GTF2E1: variants seen among roughly 807,000 people sequenced by gnomAD.
GTF2E1 encodes TFIIE alpha subunit.
GTF2E1 carries 14 observed loss-of-function variants against 34.9 expected under a neutral mutation model. The ratio of observed to expected loss-of-function variants is 0.40; its 90% CI spans 0.27 to 0.63. GTF2E1 has a LOEUF of 0.63. Among genes scored for constraint, GTF2E1 ranks in the 20% least tolerant of loss-of-function variants. GTF2E1 has a pLI of 0.39. For missense variants in GTF2E1, 469 were observed against 557.7 expected (o/e 0.84, Z 1.60); for synonymous variants, 188 against 192.9 (o/e 0.97, Z 0.21).
chr3:120,763,596 T>G (rs1293005402), intron 2 of GTF2E1, among the ~76,000 whole-genome samples: 1 of 152,236 alleles, frequency 6.6e-6, no homozygotes, highest in Non-Finnish European at 1.5e-5. Context: ...CTACTTAGTT[T>G]TAACATGGAA....
At chr3:120,744,243 C>T (rs184802960) in intron 1 of GTF2E1, among the ~76,000 whole-genome samples, 1 of 152,180 alleles carries the variant, frequency 6.6e-6, no homozygotes, top group Admixed American at 6.5e-5. Flanking sequence ...TGATACAATG[C>T]GTGGGGGGCT....
chr3:120,766,242 C>G (rs1709306556), intron 2 of GTF2E1, among the ~76,000 whole-genome samples: 1 of 152,146 alleles, frequency 6.6e-6, no homozygotes, highest in South Asian at 2.1e-4. Context: ...AGTATAAATT[C>G]CACTGGGGAT....
chr3:120,777,106 A>G (rs900127729), intron 4 of GTF2E1, among the ~76,000 whole-genome samples: 2 of 152,218 alleles, frequency 1.3e-5, no homozygotes, highest in African/African-American at 2.4e-5. Context: ...AATAGATACA[A>G]AGAGACCACA....
intron 3 of GTF2E1, among the ~76,000 whole-genome samples, chr3:120,776,181 A>G (rs1709397194): frequency 6.6e-6 from 1 of 152,196 alleles, no homozygotes; most frequent in Admixed American, 6.5e-5. Context: ...AGTCATTTAT[A>G]TACATCAGAG....
In GTF2E1 at chr3:120,777,442, A is replaced by AT. The variant is rs562635298; in HGVS notation, c.892+779dup. 3.9e-3 allele frequency among the ~76,000 whole-genome samples: 601 copies of AT among 152,284 alleles called. 5 individuals carry two copies. The highest frequency in any genetic ancestry group is 6.3e-3 in the Non-Finnish European group (429 of 68,022). On this transcript the variant is annotated intron_variant, in intron 4 of 4. Coordinates refer to ENST00000283875, the MANE Select transcript of GTF2E1 (RefSeq NM_005513.3). ...AATGTGCCGCTACTCCCAAGTTAAT[A>AT]TATCATTACTAACATATCACGTGAG...
Position 120,781,328 on chromosome 3 carries a change from A to T in GTF2E1, c.1178A>T (p.Asp393Val), listed in dbSNP as rs981950302. ...GACGAGTTTGAAGAAGTAGCAGATG[A>T]CCCCATTGTCATGGTGGCTGGCCGT... The part of the protein sequence containing the change: ...EDDEFEEVAD[D>V]PIVMVAGRPF... Residue 393 changes from aspartate to valine, a missense_variant, in exon 5 of 5, where the codon GAC (aspartate) becomes GTC (valine). Asp to Val is a radical substitution (Grantham distance 152, BLOSUM62 -3). Transcript: ENST00000283875. 1.1e-5 allele frequency: 18 copies of T among 1,613,784 alleles called. No individual in the cohort carries two copies. The highest frequency in any genetic ancestry group is 1.5e-5 in the Non-Finnish European group (18 of 1,179,934).
intron 1 of GTF2E1, chr3:120,749,700 A>T (rs1461830161): frequency 6.6e-6 from 1 of 152,116 alleles, no homozygotes; most frequent in Non-Finnish European, 1.5e-5. Flanking sequence ...TTCATCAAGG[A>T]TATTGGTCTA....
At chr3:120,748,641 T>C (rs1357081755) in intron 1 of GTF2E1, among the ~76,000 whole-genome samples, 1 of 152,202 alleles carries the variant, frequency 6.6e-6, no homozygotes, top group African/African-American at 2.4e-5. Flanking sequence ...CCATGCTGTT[T>C]TGGTTACTGT....
At chr3:120,748,608 A>G (rs1223297597) in intron 1 of GTF2E1, among the ~76,000 whole-genome samples, 1 of 152,126 alleles carries the variant, frequency 6.6e-6, no homozygotes, top group Non-Finnish European at 1.5e-5. Flanking sequence ...CCATTGGTCT[A>G]TATCTCTGTT....
intron 1 of GTF2E1, among the ~76,000 whole-genome samples, chr3:120,744,475 C>T (rs1260751751): frequency 1.3e-5 from 2 of 152,354 alleles, no homozygotes; most frequent in East Asian, 1.9e-4. Context: ...GGTATTTCCT[C>T]AAAGACACTT....
intron 2 of GTF2E1, among the ~76,000 whole-genome samples, chr3:120,756,469 A>T (rs1709210599): frequency 7.0e-6 from 1 of 141,968 alleles, no homozygotes; most frequent in Non-Finnish European, 1.5e-5. Context: ...GGGGGGAGTA[A>T]GGGGGGGAAA....
At chr3:120,779,940 T>TCAGAATG (rs918600269) in intron 4 of GTF2E1, among the ~76,000 whole-genome samples, 1 of 152,222 alleles carries the variant, frequency 6.6e-6, no homozygotes, top group African/African-American at 2.4e-5. Flanking sequence ...GGTAGTAGTA[T>TCAGAATG]CAGAATGCAG....
chr3:120,765,593 CAGAA>C (rs1163575234), intron 2 of GTF2E1, among the ~76,000 whole-genome samples: 3 of 152,126 alleles, frequency 2.0e-5, no homozygotes, highest in African/African-American at 7.2e-5. Flanking sequence ...TCTTTTGAGA[CAGAA>C]AGATTTGTAT....
intron 1 of GTF2E1, 150 bp downstream of exon 1, chr3:120,742,944 C>A: frequency 5.0e-6 from 1 of 200,258 alleles, no homozygotes; most frequent in South Asian, 6.8e-5. Context: ...GAACCATTGA[C>A]CCCGGAGCGG....
chr3:120,775,461 C>T (rs1301461248), intron 3 of GTF2E1, among the ~76,000 whole-genome samples: 2 of 151,994 alleles, frequency 1.3e-5, no homozygotes, highest in East Asian at 3.9e-4. Flanking sequence ...GAGAAGCATA[C>T]GTAGAAGTTG....
At chr3:120,743,045 G>C (rs1236647685) in intron 1 of GTF2E1, 1 of 160,458 alleles carries the variant, frequency 6.2e-6, no homozygotes, top group Non-Finnish European at 1.4e-5. Context: ...TGGGGTCTCG[G>C]AGTCTCGCAT....
chr3:120,766,980 C>A (rs903080066), intron 2 of GTF2E1, among the ~76,000 whole-genome samples: 11 of 152,078 alleles, frequency 7.2e-5, no homozygotes, highest in Admixed American at 1.3e-4. Flanking sequence ...GGTCTTAAGT[C>A]ATTTTCTGTA....
chr3:120,750,796 G>A lies in GTF2E1; in HGVS notation c.244G>A (p.Ala82Thr), dbSNP rs544883405. 6.2e-7 allele frequency: 1 copy of A among 1,613,992 alleles called. No homozygotes were observed. Among genetic ancestry groups the A allele is most frequent in the South Asian group, 1.1e-5 (1 of 91,076 alleles). ...IKCRMRVETA[A>T]DGKTTRHNYY... ...ATGCAGAATGAGGGTAGAGACTGCTGCAGACGGGAAAACCACTCGCCATAA... is the reference window on the plus strand; with the variant it reads ...ATGCAGAATGAGGGTAGAGACTGCTACAGACGGGAAAACCACTCGCCATAA... The change falls in exon 2 of 5, where the codon GCA becomes ACA. Residue 82 changes from alanine (A) to threonine (T), a missense_variant. Physicochemically the swap from Ala to Thr is moderately conservative, Grantham distance 58. Transcript: ENST00000283875.
At position 120,759,226 on chromosome 3, in the gene GTF2E1, A is replaced by G. The variant is rs148445689; in HGVS notation, c.448+8226A>G. Among the ~76,000 whole-genome samples the G allele has an allele frequency of 9.2e-3, 1,407 of 152,316 alleles. 22 individuals are homozygous for G. The highest frequency in any genetic ancestry group is 0.032 in the African/African-American group (1,342 of 41,568). On this transcript the variant is annotated intron_variant, in intron 2 of 4. Transcript: ENST00000283875. ...TGCTGCATATGCATATGTTGGCTGC[A>G]TAAATGTCTTCTTTTGAGAAGTGTC...
Sources: allele counts gnomAD v4.1 joint callset (sites outside exome capture counted in the v4.1 genomes callset), GRCh38; gene constraint gnomAD v4.1.1; transcripts MANE v1.5; gene names NCBI Gene and HGNC (gene_info 2026-07-23, HGNC 2026-07-21).